CDH13: variants seen among roughly 807,000 people sequenced by gnomAD.
CDH13 encodes cadherin 13.
A neutral mutation model predicts 63.8 loss-of-function variants in CDH13; 24 were observed. The observed-to-expected ratio is 0.38, with a 90% confidence interval of 0.27 to 0.53. The LOEUF is 0.53. Among genes scored for constraint, CDH13 ranks in the 20% least tolerant of loss-of-function variants. CDH13 has a pLI of 0.85. For synonymous variants in CDH13, 503 were observed against 355.3 expected (o/e 1.42, Z -4.67); for missense variants, 1,049 against 903.1 (o/e 1.16, Z -2.07).
At chr16:82,699,152 A>G (rs914871356) in intron 1 of CDH13, among the ~76,000 whole-genome samples, 10 of 152,170 alleles carry the variant, frequency 6.6e-5, no homozygotes, top group African/African-American at 2.4e-4. Context: ...CTGATTGTTG[A>G]AGGTGGATAT....
At chr16:83,413,962 C>G (rs1336830977) in intron 6 of CDH13, among the ~76,000 whole-genome samples, 1 of 152,074 alleles carries the variant, frequency 6.6e-6, no homozygotes, top group Admixed American at 6.5e-5. Flanking sequence ...CCACTGTACT[C>G]CAGCCTGGGC....
At chr16:82,776,517 G>A (rs753376855) in intron 1 of CDH13, among the ~76,000 whole-genome samples, 15 of 152,224 alleles carry the variant, frequency 9.9e-5, no homozygotes, top group African/African-American at 2.2e-4. Context: ...TGGACATACC[G>A]GCAAGTATTA....
intron 3 of CDH13, among the ~76,000 whole-genome samples, chr16:83,076,788 T>C (rs1418867810): frequency 6.6e-6 from 1 of 152,196 alleles, no homozygotes; most frequent in Non-Finnish European, 1.5e-5. Context: ...GGTTATTTTC[T>C]TCTTCAGAGG....
intron 7 of CDH13, among the ~76,000 whole-genome samples, chr16:83,514,705 G>A (rs894498541): frequency 1.1e-4 from 17 of 152,098 alleles, no homozygotes; most frequent in African/African-American, 3.6e-4. Context: ...AGGAGAGAAG[G>A]CCAAGTAAAG....
At chr16:82,713,777 T>C (rs906885035) in intron 1 of CDH13, among the ~76,000 whole-genome samples, 1 of 149,918 alleles carries the variant, frequency 6.7e-6, no homozygotes, top group Non-Finnish European at 1.5e-5. Flanking sequence ...GGGCAAATTA[T>C]TTAGCTTCTT....
At chr16:83,485,133 C>T (rs2073857094) in intron 6 of CDH13, among the ~76,000 whole-genome samples, 2 of 152,216 alleles carry the variant, frequency 1.3e-5, no homozygotes, top group Admixed American at 1.3e-4. Context: ...TGTGAGAATA[C>T]TATCATTTTG....
At chr16:82,646,946 G>A (rs539005112) in intron 1 of CDH13, among the ~76,000 whole-genome samples, 1 of 152,186 alleles carries the variant, frequency 6.6e-6, no homozygotes, top group South Asian at 2.1e-4. Flanking sequence ...CGTGAGATTG[G>A]ATCAGAGTTA....
rs529842539 is a variant in CDH13, at chr16:83,047,653, T to C, written c.366+15435T>C. On this transcript the variant is annotated intron_variant, in intron 3 of 13. Coordinates refer to ENST00000567109, the MANE Select transcript of CDH13 (RefSeq NM_001257.5). This position sits in a 1 kb window ranked among gnomAD's most constrained non-coding sequence, Gnocchi z 4.9. ...GGCAGAGATTTGACTGACTTGTTCG[T>C]TGCTATAAATCTAGCACTTACAATA... Among the ~76,000 whole-genome samples, 8 of 152,244 alleles carry C rather than the reference T, an allele frequency of 5.3e-5. No individual in the cohort carries two copies. Among genetic ancestry groups the C allele is most frequent in the Admixed American group, 5.2e-4 (8 of 15,286 alleles).
intron 1 of CDH13, among the ~76,000 whole-genome samples, chr16:82,731,667 T>C (rs2033410102): frequency 6.6e-6 from 1 of 152,232 alleles, no homozygotes; most frequent in African/African-American, 2.4e-5. Flanking sequence ...CAGTTCTAAC[T>C]GTAAGTTGGC....
chr16:83,432,108 G>T (rs921839570), intron 6 of CDH13, among the ~76,000 whole-genome samples: 9 of 152,178 alleles, frequency 5.9e-5, no homozygotes, highest in African/African-American at 1.9e-4. Flanking sequence ...TTCAGTGGAG[G>T]CAGGGTTGCT....
At chr16:83,376,401 G>T (rs556666059) in intron 6 of CDH13, among the ~76,000 whole-genome samples, 2 of 152,152 alleles carry the variant, frequency 1.3e-5, no homozygotes, top group African/African-American at 2.4e-5. Context: ...AATGGTGGTC[G>T]CTTAAGGGAA....
intron 7 of CDH13, among the ~76,000 whole-genome samples, chr16:83,577,240 C>T (rs1371099065): frequency 2.0e-5 from 3 of 152,202 alleles, no homozygotes; most frequent in African/African-American, 7.2e-5. Flanking sequence ...AGCCCCTGTC[C>T]TACTGTGTCC....
intron 10 of CDH13, among the ~76,000 whole-genome samples, chr16:83,736,544 T>C (rs184686596): frequency 7.2e-5 from 11 of 152,236 alleles, no homozygotes; most frequent in African/African-American, 2.6e-4. Flanking sequence ...AAATGTCCCT[T>C]TATATGAGAT....
chr16:83,430,701 C>T (rs769579735), intron 6 of CDH13, among the ~76,000 whole-genome samples: 5 of 152,150 alleles, frequency 3.3e-5, no homozygotes, highest in Non-Finnish European at 7.3e-5. Flanking sequence ...CAACAAGGAT[C>T]TGAAATTATT....
Position 83,548,587 on chromosome 16 carries a change from C to T in CDH13, c.961-53867C>T, listed in dbSNP as rs114758442. Among the ~76,000 whole-genome samples the T allele has an allele frequency of 5.1e-3, 778 of 152,176 alleles. 8 individuals carry two copies. Among genetic ancestry groups the T allele is most frequent in the African/African-American group, 0.017 (712 of 41,490 alleles). On this transcript the variant is annotated intron_variant, in intron 7 of 13. Transcript: ENST00000567109. Reference sequence around the variant, plus strand: ...ATGCCATTCTCTGAGATATTGGGACCCCGGATAGCCAGTTCTTTTACAAGG... The same window carrying T: ...ATGCCATTCTCTGAGATATTGGGACTCCGGATAGCCAGTTCTTTTACAAGG...
At chr16:83,374,705 G>T (rs1023077584) in intron 6 of CDH13, among the ~76,000 whole-genome samples, 1 of 152,152 alleles carries the variant, frequency 6.6e-6, no homozygotes, top group Non-Finnish European at 1.5e-5. Flanking sequence ...TATTATGAAA[G>T]CATTAGACTA....
At chr16:83,403,858 A>C (rs2092004540) in intron 6 of CDH13, among the ~76,000 whole-genome samples, 1 of 152,212 alleles carries the variant, frequency 6.6e-6, no homozygotes, top group Non-Finnish European at 1.5e-5. Context: ...TAAGGGAAAA[A>C]TAAAAGGAAG....
chr16:82,763,619 C>T (rs1428240239), intron 1 of CDH13, among the ~76,000 whole-genome samples: 1 of 152,218 alleles, frequency 6.6e-6, no homozygotes, highest in African/African-American at 2.4e-5. Flanking sequence ...ACAGTGAATA[C>T]ATGAGTTGAT....
At chr16:82,831,234 G>A (rs932354385) in intron 1 of CDH13, among the ~76,000 whole-genome samples, 4 of 152,134 alleles carry the variant, frequency 2.6e-5, no homozygotes, top group Non-Finnish European at 5.9e-5. Flanking sequence ...TTTGCAGTCA[G>A]TGATGGTGAT....
Sources: gnomAD v4.1 joint callset for allele counts (sites outside exome capture counted in the v4.1 genomes callset) on GRCh38, gnomAD v4.1.1 for gene constraint, Gnocchi (gnomAD v3.1) non-coding constraint, MANE v1.5 for transcripts, NCBI Gene and HGNC (gene_info 2026-07-23, HGNC 2026-07-21) for gene names.